Variants in HFM1 observed in about 807,000 individuals in gnomAD.
The protein encoded by HFM1 is helicase for meiosis 1.
A neutral mutation model predicts 192.1 loss-of-function variants in HFM1; 169 were observed. The ratio of observed to expected loss-of-function variants is 0.88; its 90% CI spans 0.78 to 1.00. HFM1 has a LOEUF of 1.00. Among genes scored for constraint, HFM1 ranks in the 50% least tolerant of loss-of-function variants. The pLI is 0.00. For missense variants in HFM1, 1,661 were observed against 1,668.0 expected (o/e 1.00, Z 0.07); for synonymous variants, 525 against 537.8 (o/e 0.98, Z 0.33).
At chr1:91,310,853 T>A (rs1483948177) in intron 30 of HFM1, among the ~76,000 whole-genome samples, 1 of 152,218 alleles carries the variant, frequency 6.6e-6, no homozygotes, top group Non-Finnish European at 1.5e-5. Context: ...AAACCTCTTT[T>A]CCTTCCCAGT....
At chr1:91,284,116 C>T in intron 30 of HFM1, among the ~76,000 whole-genome samples, 1 of 151,972 alleles carries the variant, frequency 6.6e-6, no homozygotes, top group East Asian at 1.9e-4. Flanking sequence ...AATGCACATA[C>T]ACACCAAAGA....
At chr1:91,316,019 C>A (rs12568483) in intron 27 of HFM1, 47 bp from the exon 28 acceptor site, 129,049 of 1,493,364 alleles carry the variant, frequency 0.086, 5,909 homozygotes, top group East Asian at 0.15. Context: ...AACCTTACTT[C>A]TCATACTCAG....
intron 30 of HFM1, among the ~76,000 whole-genome samples, chr1:91,296,619 AC>A (rs1031224735): frequency 6.6e-6 from 1 of 152,196 alleles, no homozygotes; most frequent in Non-Finnish European, 1.5e-5. Context: ...TTTGGGGAGA[AC>A]TGACATCTTT....
chr1:91,356,012 G>A (rs568434253), intron 13 of HFM1, among the ~76,000 whole-genome samples: 3 of 151,954 alleles, frequency 2.0e-5, no homozygotes, highest in Non-Finnish European at 2.9e-5. Context: ...AATTCAAGAC[G>A]ATTGAAATCA....
chr1:91,267,393 A>G (rs1312507354), intron 35 of HFM1, among the ~76,000 whole-genome samples: 2 of 152,176 alleles, frequency 1.3e-5, no homozygotes, highest in Non-Finnish European at 2.9e-5. Flanking sequence ...CTTCACAAAT[A>G]TTAGCAGACC....
In HFM1 at chr1:91,352,637, AAGT is replaced by A; in HGVS notation, c.1843_1845del (p.Thr615del). On this transcript the variant is annotated inframe_deletion, in exon 16 of 39. Transcript: ENST00000370425. The stretch of plus-strand genomic sequence containing the variant: ...GCAGGCAAATTTACTCCCATAGCTA[AAGT>A]ACTGGTAGTAACTGCATCAGATTAA... 1 of 1,606,178 alleles carries A rather than the reference AAGT, an allele frequency of 6.2e-7. No homozygotes were observed. Among genetic ancestry groups the A allele is most frequent in the Non-Finnish European group, 8.5e-7 (1 of 1,176,264 alleles).
In HFM1 at chr1:91,351,545, C is replaced by G. The variant is rs1257249383; in HGVS notation, c.2072+4G>C. 1 of 1,479,416 alleles carries G rather than the reference C, an allele frequency of 6.8e-7. No individual in the cohort carries two copies. Among genetic ancestry groups the G allele is most frequent in the South Asian group, 1.2e-5 (1 of 81,382 alleles). 91.6% of individuals were successfully genotyped at this position (1,479,416 alleles called of 1,614,324 possible). A position where few individuals can be genotyped will look rare whatever the true frequency, so the allele number is the denominator to read the frequency against. ...TATCTTTTTGGAACTTTTTTTTATA[C>G]TACCTGCTTTCTACAGTGTCTCTAC... On this transcript the variant is annotated splice_donor_region_variant and intron_variant, in intron 17 of 38. Coordinates refer to ENST00000370425, the MANE Select transcript of HFM1 (RefSeq NM_001017975.6).
intron 20 of HFM1, chr1:91,328,681 A>G: frequency 1.3e-6 from 2 of 1,598,728 alleles, no homozygotes; most frequent in Non-Finnish European, 8.5e-7. Flanking sequence ...GGCCAAATGC[A>G]GTGAACTGCG....
chr1:91,313,435 T>C lies in HFM1; in HGVS notation c.3305A>G (p.Asn1102Ser). 1 of 1,601,984 alleles carries C rather than the reference T, an allele frequency of 6.2e-7. No individual in the cohort carries two copies. The highest frequency in any genetic ancestry group is 8.5e-7 in the Non-Finnish European group (1 of 1,171,928). Residue 1102 changes from asparagine to serine, a missense_variant, in exon 30 of 39, where the codon AAT becomes AGT. By Grantham distance (46) the Asn-to-Ser change is conservative. Coordinates refer to ENST00000370425, the MANE Select transcript of HFM1 (RefSeq NM_001017975.6). ...VFYLEPKRFG[N>S]QITMQRKSET... ...AGATTTTCTTTGCATAGTGATTTGA[T>C]TTCCAAACCTCTTGGGTTCTAAGTA... is the stretch of plus-strand genomic sequence containing the variant.
Position 91,380,196 on chromosome 1 carries a change from G to T in HFM1, c.914C>A (p.Thr305Asn). The T allele has an allele frequency of 6.3e-7, 1 of 1,578,960 alleles. No individual in the cohort carries two copies. Among genetic ancestry groups the T allele is most frequent in the Non-Finnish European group, 8.6e-7 (1 of 1,157,576 alleles). Reference protein sequence around the residue: ...TDRNFVICAPTGSGKTVVFEL... With the variant: ...TDRNFVICAPNGSGKTVVFEL... ...AAACACTACAGTTTTTCCAGAACCA[G>T]TTGGAGCACAAATCACAAAATTCCT... The change falls in exon 8 of 39, where the codon ACT becomes AAT. Residue 305 changes from threonine (T) to asparagine (N), a missense_variant. Coordinates refer to ENST00000370425, the MANE Select transcript of HFM1 (RefSeq NM_001017975.6).
At chr1:91,380,755 T>C (rs1239163220) in intron 7 of HFM1, among the ~76,000 whole-genome samples, 157 bp downstream of exon 7, 2 of 152,070 alleles carry the variant, frequency 1.3e-5, no homozygotes, top group East Asian at 1.9e-4. Flanking sequence ...GAAAATCACA[T>C]GTATTCATTT....
At chr1:91,298,800 G>A (rs1294849722) in intron 30 of HFM1, among the ~76,000 whole-genome samples, 1 of 152,204 alleles carries the variant, frequency 6.6e-6, no homozygotes, top group African/African-American at 2.4e-5. Flanking sequence ...AATAAACATG[G>A]AAAGGAACAA....
At chr1:91,382,052 T>C (rs916512772) in intron 6 of HFM1, among the ~76,000 whole-genome samples, 1 of 152,144 alleles carries the variant, frequency 6.6e-6, no homozygotes, top group African/African-American at 2.4e-5. Flanking sequence ...TCTTTCTCCC[T>C]GACTCATCTC....
intron 13 of HFM1, among the ~76,000 whole-genome samples, chr1:91,365,764 C>A (rs533649542): frequency 3.9e-5 from 6 of 152,000 alleles, no homozygotes; most frequent in African/African-American, 1.4e-4. Flanking sequence ...TAAGTACAAA[C>A]TCTGCTACCC....
Position 91,343,148 on chromosome 1 carries a change from A to C in HFM1, c.2335+282T>G, listed in dbSNP as rs542839350. On this transcript the variant is annotated intron_variant, in intron 20 of 38. Transcript: ENST00000370425. ...CGGGAGGCTGAGGCAGGAGAATGGC[A>C]TGAACCCGGGAGGCGGAGCTTGCAT... Among the ~76,000 whole-genome samples the C allele has an allele frequency of 1.2e-3, 178 of 143,984 alleles. 1 individual carries two copies. Among genetic ancestry groups the C allele is most frequent in the African/African-American group, 4.1e-3 (162 of 39,410 alleles). 94.5% of individuals were successfully genotyped at this position (143,984 alleles called of 152,430 possible). A position where few individuals can be genotyped will look rare whatever the true frequency, so the allele number is the denominator to read the frequency against.
In HFM1 at chr1:91,319,477, T is replaced by G; in HGVS notation, c.2583-87A>C. 3 of 810,840 alleles carry G rather than the reference T, an allele frequency of 3.7e-6. No homozygotes were observed. The South Asian group carries it at 4.7e-5, about 13-fold the overall frequency. 50.2% of individuals were successfully genotyped at this position (810,840 alleles called of 1,614,324 possible). A position where few individuals can be genotyped will look rare whatever the true frequency, so the allele number is the denominator to read the frequency against. ...TATCACTCACTGAAGTATTCCTTCT[T>G]AAAACTTTTCTCTGCCTTAATTTCT... On this transcript the variant is annotated intron_variant, in intron 23 of 38. Transcript: ENST00000370425.
intron 30 of HFM1, among the ~76,000 whole-genome samples, chr1:91,293,866 G>A (rs1277641631): frequency 6.7e-6 from 1 of 150,334 alleles, no homozygotes; most frequent in African/African-American, 2.4e-5. Flanking sequence ...ATACTATGCA[G>A]CCATAAAAAA....
intron 32 of HFM1, 141 bp from the exon 33 acceptor site, chr1:91,274,950 C>T (rs1166569290): frequency 2.5e-5 from 11 of 436,514 alleles, no homozygotes; most frequent in African/African-American, 1.0e-4. Context: ...GTTCTTGACT[C>T]GAATATTTCA....
intron 30 of HFM1, among the ~76,000 whole-genome samples, chr1:91,301,145 A>G (rs1648702634): frequency 6.6e-6 from 1 of 152,092 alleles, no homozygotes; most frequent in Non-Finnish European, 1.5e-5. Context: ...CCAATAACAG[A>G]CAAACAGAGC....
Sources: gnomAD v4.1 joint callset for allele counts (sites outside exome capture counted in the v4.1 genomes callset) on GRCh38, gnomAD v4.1.1 for gene constraint, MANE v1.5 for transcripts, NCBI Gene and HGNC (gene_info 2026-07-23, HGNC 2026-07-21) for gene names.